The following COG6 variants were observed in gnomAD, a reference collection of about 807,000 sequenced individuals.
The protein encoded by COG6 is conserved oligomeric Golgi complex subunit 6.
In COG6, 74 loss-of-function variants were observed where a neutral mutation model predicts 88.8. That is an observed-to-expected ratio of 0.83 (90% CI 0.69 to 1.01). The LOEUF is 1.01. Ranked by LOEUF, COG6 falls within the 50% of genes least tolerant of loss-of-function variation. COG6 has a pLI of 0.00. For missense variants in COG6, 800 were observed against 797.9 expected, an observed-to-expected ratio of 1.00 and a Z score of -0.03; for synonymous variants, 286 against 278.7, an observed-to-expected ratio of 1.03 and a Z score of -0.26.
chr13:39,668,009 C>CT (rs987706157), intron 4 of COG6, among the ~76,000 whole-genome samples: 10 of 151,180 alleles, frequency 6.6e-5, no homozygotes, highest in Non-Finnish European at 8.9e-5. Context: ...TTCTTCAAAG[C>CT]TTTTTTTTTA....
At chr13:39,661,962 A>G in intron 3 of COG6, among the ~76,000 whole-genome samples, 1 of 151,510 alleles carries the variant, frequency 6.6e-6, no homozygotes. Context: ...TCAGTTTCTG[A>G]TCTTTAGTGA....
At chr13:39,714,055 C>G (rs1266853605) in intron 13 of COG6, among the ~76,000 whole-genome samples, 1 of 152,176 alleles carries the variant, frequency 6.6e-6, no homozygotes, top group African/African-American at 2.4e-5. Flanking sequence ...ACCATCAACT[C>G]TAACTGTGGC....
At chr13:39,684,520 G>A (rs1186564185) in intron 8 of COG6, among the ~76,000 whole-genome samples, 1 of 152,024 alleles carries the variant, frequency 6.6e-6, no homozygotes, top group African/African-American at 2.4e-5. Context: ...AAAGTGCTGG[G>A]ATTACAGGCG....
chr13:39,685,241 A>G (rs1566178848), intron 8 of COG6, among the ~76,000 whole-genome samples: 1 of 152,188 alleles, frequency 6.6e-6, no homozygotes, highest in Non-Finnish European at 1.5e-5. Context: ...ATTCACTCTG[A>G]AAAAGCTCCA....
chr13:39,713,757 T>C (rs1236866528), intron 13 of COG6, among the ~76,000 whole-genome samples: 8 of 151,706 alleles, frequency 5.3e-5, no homozygotes, highest in Admixed American at 2.0e-4. Context: ...AAAAGAAATA[T>C]AGACTTGTCT....
Position 39,752,463 on chromosome 13 carries a change from C to T in COG6, c.*1370C>T. 1 of 1,080,864 alleles carries T rather than the reference C, an allele frequency of 9.3e-7. No homozygotes were observed. Among genetic ancestry groups the T allele is most frequent in the Non-Finnish European group, 1.2e-6 (1 of 824,148 alleles). 67.0% of individuals were successfully genotyped at this position (1,080,864 alleles called of 1,614,324 possible). On this transcript the variant is annotated 3_prime_UTR_variant, in exon 19 of 19. Coordinates refer to ENST00000455146, the MANE Select transcript of COG6 (RefSeq NM_020751.3). ...TTTTCCCTTTGATTAGTATGTGTTACATATAAAGACAGAAAATAAAGTATA... is the reference window on the plus strand; with the variant it reads ...TTTTCCCTTTGATTAGTATGTGTTATATATAAAGACAGAAAATAAAGTATA...
intron 18 of COG6, among the ~76,000 whole-genome samples, chr13:39,749,009 AAAAC>A (rs1880484807): frequency 6.6e-6 from 1 of 152,218 alleles, no homozygotes; most frequent in African/African-American, 2.4e-5. Context: ...AATTCCTAGA[AAAAC>A]AAAGAATGTG....
chr13:39,688,135 G>C (rs749475107), intron 10 of COG6, among the ~76,000 whole-genome samples: 1 of 152,118 alleles, frequency 6.6e-6, no homozygotes, highest in African/African-American at 2.4e-5. Context: ...AAAGGTACAG[G>C]GTGATATTAT....
chr13:39,735,221 C>T (rs1366360477), intron 18 of COG6, among the ~76,000 whole-genome samples: 2 of 151,824 alleles, frequency 1.3e-5, no homozygotes, highest in African/African-American at 4.8e-5. Context: ...GTGATTTTCT[C>T]TGGTGGTATA....
At chr13:39,743,472 A>G (rs1374428531) in intron 18 of COG6, among the ~76,000 whole-genome samples, 1 of 152,200 alleles carries the variant, frequency 6.6e-6, no homozygotes, top group East Asian at 1.9e-4. Flanking sequence ...AATACTATAA[A>G]CACCTCTATG....
exon 19 of COG6, chr13:39,791,553 C>A (rs1881938302): frequency 6.6e-6 from 1 of 151,486 alleles, no homozygotes. Context: ...CTATTTATGA[C>A]AATATGGTAG....
At chr13:39,676,166 C>G (rs1222503862) in intron 4 of COG6, among the ~76,000 whole-genome samples, 1 of 152,054 alleles carries the variant, frequency 6.6e-6, no homozygotes, top group Non-Finnish European at 1.5e-5. Flanking sequence ...TGACCAATCT[C>G]TTCCTGTCCC....
chr13:39,690,744 A>G lies in COG6; in HGVS notation c.1074+920A>G, dbSNP rs541775983. 2.6e-5 allele frequency among the ~76,000 whole-genome samples: 4 copies of G among 152,098 alleles called. No individual in the cohort carries two copies. In the East Asian group the frequency reaches 7.7e-4, roughly 29 times the overall value. ...TTGGTGACAATTGATTATATTGACA[A>G]ATTTAACTGTTACTCTAACTTGATC... On this transcript the variant is annotated intron_variant, in intron 11 of 18. Coordinates refer to ENST00000455146, the MANE Select transcript of COG6 (RefSeq NM_020751.3).
intron 13 of COG6, among the ~76,000 whole-genome samples, chr13:39,705,269 G>A (rs1306123041): frequency 6.6e-6 from 1 of 152,064 alleles, no homozygotes; most frequent in East Asian, 1.9e-4. Flanking sequence ...GATTGCTTTT[G>A]TGCTTTTAAA....
At chr13:39,667,494 T>C (rs1322322967) in intron 4 of COG6, among the ~76,000 whole-genome samples, 1 of 152,348 alleles carries the variant, frequency 6.6e-6, no homozygotes, top group East Asian at 1.9e-4. Flanking sequence ...TGTCATTCTG[T>C]ATTTTATAGC....
rs374465943 is a variant in COG6 at position 39,751,982 on chromosome 13, T to C, written c.*889T>C. ...AAAGAAACAATGATCTACTCAAACA[T>C]TGGAGAAAAAAACTGCCAGAGGAGG... On this transcript the variant is annotated 3_prime_UTR_variant, in exon 19 of 19. Transcript: ENST00000455146. 162 of 1,234,160 alleles carry C rather than the reference T, an allele frequency of 1.3e-4. No individual in the cohort carries two copies. The highest frequency in any genetic ancestry group is 1.6e-4 in the Non-Finnish European group (153 of 940,608). The allele number at this position is 1,234,160 out of a possible 1,614,324, so 76.5% of individuals were successfully genotyped here.
chr13:39,673,872 TC>T (rs1310310311), intron 4 of COG6, among the ~76,000 whole-genome samples: 3 of 152,000 alleles, frequency 2.0e-5, no homozygotes, highest in Non-Finnish European at 4.4e-5. Context: ...ATTTTTTATA[TC>T]AAGAGGATCA....
At chr13:39,692,885 C>T (rs758676219) in intron 11 of COG6, among the ~76,000 whole-genome samples, 4 of 152,012 alleles carry the variant, frequency 2.6e-5, no homozygotes, top group African/African-American at 9.7e-5. Flanking sequence ...CCATTATTCC[C>T]GTTGCTGCTT....
At chr13:39,677,350 A>T (rs1483415563) in intron 4 of COG6, 118 bp from the exon 5 acceptor site, 14 of 686,010 alleles carry the variant, frequency 2.0e-5, no homozygotes, top group Non-Finnish European at 3.7e-5. Flanking sequence ...TTTTGAAAAT[A>T]TTGAGAACTT....
Sources: allele counts gnomAD v4.1 joint callset (sites outside exome capture counted in the v4.1 genomes callset), GRCh38; gene constraint gnomAD v4.1.1; transcripts MANE v1.5; gene names NCBI Gene and HGNC (gene_info 2026-07-23, HGNC 2026-07-21).